Variants in COPE observed in about 807,000 individuals in gnomAD.
The protein encoded by COPE is coat protein complex I subunit epsilon.
A neutral mutation model predicts 42.1 loss-of-function variants in COPE; 19 were observed. That is an observed-to-expected ratio of 0.45 (90% CI 0.31 to 0.66). COPE has a LOEUF of 0.66. Among genes scored for constraint, COPE ranks in the 30% least tolerant of loss-of-function variants. The pLI is 0.05. For missense variants in COPE, 402 were observed against 416.1 expected (o/e 0.97, Z 0.30); for synonymous variants, 195 against 181.3 (o/e 1.08, Z -0.60).
intron 6 of COPE, 69 bp downstream of exon 6, chr19:18,904,701 TG>T: frequency 1.5e-6 from 2 of 1,372,746 alleles, no homozygotes; most frequent in South Asian, 1.3e-5. Context: ...TACGCACAGG[TG>T]GGGGTGCCCA....
chr19:18,907,027 T>C lies in COPE; in HGVS notation c.376A>G (p.Ile126Val). 1 of 1,600,674 alleles carries C rather than the reference T, an allele frequency of 6.2e-7. No individual in the cohort carries two copies. Among genetic ancestry groups the C allele is most frequent in the Non-Finnish European group, 8.5e-7 (1 of 1,174,198 alleles). ...TCCGGGTTCTGGTCGTGGAGATAGA[T>C]GGAGGCGGCCATGAGCAGGAAGGTG... is the stretch of plus-strand genomic sequence containing the variant. ...NTTFLLMAAS[I>V]YLHDQNPDAA... Residue 126 changes from isoleucine (I) to valine (V), a missense_variant, in exon 4 of 10, where the codon ATC becomes GTC. By Grantham distance (29) the Ile-to-Val change is conservative. Transcript: ENST00000262812.
intron 1 of COPE, among the ~76,000 whole-genome samples, chr19:18,914,218 A>C (rs1342985511): frequency 6.6e-6 from 1 of 152,174 alleles, no homozygotes; most frequent in Admixed American, 6.6e-5. Context: ...TGGACAGGTG[A>C]AATATGTACC....
At chr19:18,905,926 A>C in intron 4 of COPE, 1 of 527,032 alleles carries the variant, frequency 1.9e-6, no homozygotes, top group Non-Finnish European at 3.3e-6. Context: ...CCCTGCCCGG[A>C]CTCGACACCC....
intron 1 of COPE, among the ~76,000 whole-genome samples, chr19:18,913,772 A>G (rs938717154): frequency 2.6e-5 from 4 of 152,186 alleles, no homozygotes; most frequent in African/African-American, 9.7e-5. Context: ...GAAGGGGCCC[A>G]GCCACCTTGG....
In COPE at chr19:18,899,694, G is replaced by T; in HGVS notation, c.912C>A (p.Tyr304Ter). Reference protein sequence around the residue: ...ENDFDRLVLQYAPSA With the variant: ...ENDFDRLVLQ Reference sequence around the variant, plus strand: ...TGGGCCAGCCTCAGGCGCTGGGAGCGTACTGTAGCACCAGCCTGTCAAAGT... The same window carrying T: ...TGGGCCAGCCTCAGGCGCTGGGAGCTTACTGTAGCACCAGCCTGTCAAAGT... Residue 304 changes from tyrosine (Y) to a stop codon, truncating the protein, a stop_gained, in exon 10 of 10, where the codon TAC becomes TAA. Transcript: ENST00000262812. LOFTEE classifies it high-confidence loss of function. 1 of 1,613,596 alleles carries T rather than the reference G, an allele frequency of 6.2e-7. No individual in the cohort carries two copies. The highest frequency in any genetic ancestry group is 8.5e-7 in the Non-Finnish European group (1 of 1,179,978).
At chr19:18,917,374 T>A (rs2056863784) in intron 1 of COPE, among the ~76,000 whole-genome samples, 1 of 151,678 alleles carries the variant, frequency 6.6e-6, no homozygotes, top group Non-Finnish European at 1.5e-5. Flanking sequence ...ATTTCTTTTT[T>A]CTTTTTTTTT....
chr19:18,901,448 CCTGACTAGCCCTGA>C (rs2056697805), intron 7 of COPE, among the ~76,000 whole-genome samples: 2 of 152,192 alleles, frequency 1.3e-5, no homozygotes, highest in South Asian at 4.1e-4. Context: ...GCTGGGAGTT[CCTGACTAGCCCTGA>C]CTGCTCAGAG....
intron 2 of COPE, among the ~76,000 whole-genome samples, chr19:18,911,957 T>C (rs535985286): frequency 6.6e-6 from 1 of 151,638 alleles, no homozygotes; most frequent in African/African-American, 2.4e-5. Flanking sequence ...TTCAAGTAAT[T>C]CTCCTGCCTC....
At chr19:18,904,546 C>T (rs1433829891) in intron 6 of COPE, among the ~76,000 whole-genome samples, 4 of 152,270 alleles carry the variant, frequency 2.6e-5, no homozygotes, top group African/African-American at 7.2e-5. Flanking sequence ...CTCAGGAACC[C>T]GTCCCCGCCC....
At chr19:18,913,472 G>A (rs1327511132) in intron 1 of COPE, among the ~76,000 whole-genome samples, 1 of 152,226 alleles carries the variant, frequency 6.6e-6, no homozygotes, top group African/African-American at 2.4e-5. Flanking sequence ...CCCTGGGAAT[G>A]GCTCTGTACT....
At chr19:18,913,482 T>G (rs924630630) in intron 1 of COPE, among the ~76,000 whole-genome samples, 1 of 152,210 alleles carries the variant, frequency 6.6e-6, no homozygotes, top group African/African-American at 2.4e-5. Context: ...GGCTCTGTAC[T>G]TGGGCCACAC....
intron 4 of COPE, 165 bp from the exon 5 acceptor site, chr19:18,905,794 C>T (rs757583174): frequency 1.8e-4 from 119 of 646,044 alleles, no homozygotes; most frequent in Admixed American, 5.9e-4. Flanking sequence ...CACATTTCAC[C>T]GCTCAGCTTC....
chr19:18,900,612 G>A (rs544164059), intron 7 of COPE, among the ~76,000 whole-genome samples, 163 bp from the exon 8 acceptor site: 2 of 151,488 alleles, frequency 1.3e-5, no homozygotes, highest in Non-Finnish European at 3.0e-5. Flanking sequence ...CAGATGATAC[G>A]GTGCCAAGGG....
chr19:18,912,626 G>A (rs548759850), intron 2 of COPE, among the ~76,000 whole-genome samples: 6 of 151,880 alleles, frequency 4.0e-5, no homozygotes, highest in East Asian at 2.0e-4. Flanking sequence ...GCGTGGTGGC[G>A]CACGCCTGTA....
At chr19:18,899,968 C>G in intron 8 of COPE, 21 bp from the exon 9 acceptor site, 1 of 1,606,992 alleles carries the variant, frequency 6.2e-7, no homozygotes, top group Admixed American at 1.7e-5. Context: ...GGCAGGGAGG[C>G]AGGTGAGCCG....
intron 4 of COPE, chr19:18,906,077 T>C (rs976713517): frequency 1.7e-5 from 7 of 401,698 alleles, no homozygotes; most frequent in African/African-American, 1.4e-4. Context: ...CCCAGGTGGC[T>C]GTGACCACGA....
At chr19:18,904,648 GC>G in intron 6 of COPE, 122 bp downstream of exon 6, 1 of 830,292 alleles carries the variant, frequency 1.2e-6, no homozygotes, top group Non-Finnish European at 1.9e-6. Context: ...GCTGGCAGGG[GC>G]CACGGCCTGA....
In COPE at chr19:18,907,675, A is replaced by G. The variant is rs534719432; in HGVS notation, c.291-563T>C. Reference sequence around the variant, plus strand: ...AGGACCGGCTCAGCTCCGAGGGCACAGGTCACCCATGCCTCCATGTCCCTA... The same window carrying G: ...AGGACCGGCTCAGCTCCGAGGGCACGGGTCACCCATGCCTCCATGTCCCTA... On this transcript the variant is annotated intron_variant, in intron 3 of 9. Coordinates refer to ENST00000262812, the MANE Select transcript of COPE (RefSeq NM_007263.4). 1.3e-4 allele frequency among the ~76,000 whole-genome samples: 20 copies of G among 152,356 alleles called. No individual in the cohort carries two copies. The South Asian group carries it at 4.1e-3, about 32-fold the overall frequency.
chr19:18,902,393 G>C (rs1210001207), intron 7 of COPE, among the ~76,000 whole-genome samples: 1 of 151,014 alleles, frequency 6.6e-6, no homozygotes, highest in Non-Finnish European at 1.5e-5. Flanking sequence ...GGCCAGGCGT[G>C]GTGGCTCACG....
Sources: gnomAD v4.1 joint callset for allele counts (sites outside exome capture counted in the v4.1 genomes callset) on GRCh38, gnomAD v4.1.1 for gene constraint, MANE v1.5 for transcripts, NCBI Gene and HGNC (gene_info 2026-07-23, HGNC 2026-07-21) for gene names.